PLRG1: variants seen among roughly 807,000 people sequenced by gnomAD.
PLRG1 encodes pleiotropic regulator 1 (PRL1 homolog, Arabidopsis).
PLRG1 carries 28 observed loss-of-function variants against 74.9 expected under a neutral mutation model. The ratio of observed to expected loss-of-function variants is 0.37; its 90% CI spans 0.28 to 0.51. The LOEUF (loss-of-function observed/expected upper bound fraction) is 0.51, where lower values mean the gene tolerates loss of function less well. Ranked by LOEUF, PLRG1 falls within the 20% of genes least tolerant of loss-of-function variation. PLRG1 has a pLI of 0.91. For missense variants in PLRG1, 445 were observed against 631.9 expected, an observed-to-expected ratio of 0.70 and a Z score of 3.17; for synonymous variants, 197 against 212.4, an observed-to-expected ratio of 0.93 and a Z score of 0.63.
At chr4:154,542,386 G>A (rs1729570630) in intron 7 of PLRG1, 107 bp from the exon 8 acceptor site, 1 of 675,196 alleles carries the variant, frequency 1.5e-6, no homozygotes, top group Non-Finnish European at 2.7e-6. Flanking sequence ...AATCATAAAA[G>A]ATAATGACTA....
At chr4:154,548,461 ATCT>A (rs530270818) in intron 2 of PLRG1, among the ~76,000 whole-genome samples, 180 of 152,308 alleles carry the variant, frequency 1.2e-3, no homozygotes, top group African/African-American at 4.0e-3. Context: ...CCACTCAAAA[ATCT>A]TCATCATACT....
chr4:154,539,175 C>T lies in PLRG1; in HGVS notation c.1081G>A (p.Ala361Thr). The change falls in exon 12 of 15, where the codon GCT (alanine) becomes ACT (threonine). Residue 361 changes from alanine to threonine, a missense_variant. By Grantham distance (58) the Ala-to-Thr change is moderately conservative. Around this residue, in one of 3 missense-constraint regions of PLRG1, gnomAD observed 221 missense variants for 377.7 expected, o/e 0.59. Transcript: ENST00000499023. Reference protein sequence around the residue: ...DTTIRLWDLVAGKTRVTLTNH... With the variant: ...DTTIRLWDLVTGKTRVTLTNH... ...GTTAATGTCACTCTTGTTTTTCCAG[C>T]CACCAGATCCCATAATCGAATTGTA... is the stretch of plus-strand genomic sequence containing the variant. The T allele has an allele frequency of 6.2e-7, 1 of 1,611,856 alleles. No individual in the cohort carries two copies. Among genetic ancestry groups the T allele is most frequent in the Non-Finnish European group, 8.5e-7 (1 of 1,178,068 alleles).
chr4:154,540,718 A>G (rs751367090), intron 9 of PLRG1, 23 bp from the exon 10 acceptor site: 1 of 1,609,630 alleles, frequency 6.2e-7, no homozygotes, highest in Non-Finnish European at 8.5e-7. Flanking sequence ...CAGGAAAGTT[A>G]AAACTTCTAG....
rs1326008324 is a variant in PLRG1 at position 154,548,815 on chromosome 4, A to AG, written c.116+13_116+14insC. The AG allele has an allele frequency of 2.1e-6, 3 of 1,454,524 alleles. No homozygotes were observed. The highest frequency in any genetic ancestry group is 1.8e-5 in the Admixed American group (1 of 56,790). The allele number at this position is 1,454,524 out of a possible 1,614,324, so 90.1% of individuals were successfully genotyped here. A position where few individuals can be genotyped will look rare whatever the true frequency, so the allele number is the denominator to read the frequency against. On this transcript the variant is annotated intron_variant, in intron 2 of 14. Transcript: ENST00000499023. ...TAAGTATTTTAGCAATTGAAAAAAA[A>AG]AAACTACACCAACCTCTCTTCATCT... is the stretch of plus-strand genomic sequence containing the variant.
Position 154,542,040 on chromosome 4 carries a change from T to C in PLRG1, c.687+147A>G. 10 of 606,406 alleles carry C rather than the reference T, an allele frequency of 1.6e-5. No individual in the cohort carries two copies. In the South Asian group the frequency reaches 2.2e-4, roughly 13 times the overall value. The allele number at this position is 606,406 out of a possible 1,614,324, so 37.6% of individuals were successfully genotyped here. A position where few individuals can be genotyped will look rare whatever the true frequency, so the allele number is the denominator to read the frequency against. On this transcript the variant is annotated intron_variant, in intron 8 of 14. Coordinates refer to ENST00000499023, the MANE Select transcript of PLRG1 (RefSeq NM_002669.4). ...AACAGATATTTATTTAGAACACTTATTAGTATAAATGATAAATTTTACTCC... is the reference window on the plus strand; with the variant it reads ...AACAGATATTTATTTAGAACACTTACTAGTATAAATGATAAATTTTACTCC...
chr4:154,539,110 T>G lies in PLRG1; in HGVS notation c.1146A>C (p.Pro382=). The G allele has an allele frequency of 6.4e-7, 1 of 1,555,076 alleles. No homozygotes were observed. The highest frequency in any genetic ancestry group is 8.9e-7 in the Non-Finnish European group (1 of 1,126,372). ...KKSVRAVVLH[P]RHYTFASGSP... ...AATTAGGAAAATACACTTACTGTCT[T>G]GGATGTAAAACCACAGCCCTAACTG... Residue 382 remains proline (P), a synonymous_variant, in exon 12 of 15, where the codon CCA becomes CCC. Coordinates refer to ENST00000499023, the MANE Select transcript of PLRG1 (RefSeq NM_002669.4).
At position 154,535,119 on chromosome 4, in the gene PLRG1, C is replaced by G. The variant is rs1488088773; in HGVS notation, c.*1566G>C. Reference sequence around the variant, plus strand: ...GTTCTTCCATAATTCTGCTTCCTAACAAAGCCACTGTTAGTAATGTGGTGT... The same window carrying G: ...GTTCTTCCATAATTCTGCTTCCTAAGAAAGCCACTGTTAGTAATGTGGTGT... On this transcript the variant is annotated 3_prime_UTR_variant, in exon 15 of 15. Transcript: ENST00000499023. 4 of 151,984 alleles carry G rather than the reference C, an allele frequency of 2.6e-5. No homozygotes were observed. The highest frequency in any genetic ancestry group is 7.2e-5 in the African/African-American group (3 of 41,422). The allele number at this position is 151,984 out of a possible 1,614,324, so 9.4% of individuals were successfully genotyped here. A position where few individuals can be genotyped will look rare whatever the true frequency, so the allele number is the denominator to read the frequency against.
intron 1 of PLRG1, chr4:154,549,286 A>G: frequency 2.8e-6 from 1 of 359,316 alleles, no homozygotes; most frequent in Non-Finnish European, 5.4e-6. Context: ...AATAAAAAGT[A>G]AAATAATTCC....
chr4:154,547,191 G>C, intron 3 of PLRG1, 127 bp from the exon 4 acceptor site: 1 of 744,166 alleles, frequency 1.3e-6, no homozygotes, highest in South Asian at 1.5e-5. Flanking sequence ...CTAAAGTCAA[G>C]CCTCAGAAAT....
At position 154,540,321 on chromosome 4, in the gene PLRG1, G is replaced by T. The variant is rs1482557148; in HGVS notation, c.940-268C>A. On this transcript the variant is annotated intron_variant, in intron 10 of 14. Coordinates refer to ENST00000499023, the MANE Select transcript of PLRG1 (RefSeq NM_002669.4). ...GGACTACTTTTTAAGACTACTGAAT[G>T]AAAGAACTAATGGACAATAGTTGTT... is the stretch of plus-strand genomic sequence containing the variant. 1.6e-5 allele frequency: 9 copies of T among 576,280 alleles called. No homozygotes were observed. The East Asian group carries it at 2.0e-4, about 13-fold the overall frequency. The allele number at this position is 576,280 out of a possible 1,614,324, so 35.7% of individuals were successfully genotyped here. A position where few individuals can be genotyped will look rare whatever the true frequency, so the allele number is the denominator to read the frequency against.
At chr4:154,542,306 G>A (rs1729568753) in intron 7 of PLRG1, 27 bp from the exon 8 acceptor site, 2 of 1,400,942 alleles carry the variant, frequency 1.4e-6, no homozygotes, top group South Asian at 1.2e-5. Flanking sequence ...AGAATGGGCA[G>A]GCCAACGTAG....
rs749164445 is a variant in PLRG1 at position 154,538,075 on chromosome 4, T to C, written c.1185A>G (p.Ile395Met). 2 of 1,518,612 alleles carry C rather than the reference T, an allele frequency of 1.3e-6. No homozygotes were observed. The highest frequency in any genetic ancestry group is 2.5e-5 in the South Asian group (2 of 79,138). 94.1% of individuals were successfully genotyped at this position (1,518,612 alleles called of 1,614,324 possible). A position where few individuals can be genotyped will look rare whatever the true frequency, so the allele number is the denominator to read the frequency against. Reference protein sequence around the residue: ...YTFASGSPDNIKQWKFPDGSF... With the variant: ...YTFASGSPDNMKQWKFPDGSF... ...TTCCATCAGGGAATTTCCACTGCTT[T>C]ATGTTATCTGGAGAACCAGATGCAA... Residue 395 changes from isoleucine to methionine, a missense_variant, in exon 13 of 15, where the codon ATA becomes ATG. Physicochemically the swap from Ile to Met is conservative, Grantham distance 10. This residue lies in a region of PLRG1 where 221 missense variants were observed against 377.7 expected (regional missense o/e 0.59). Coordinates refer to ENST00000499023, the MANE Select transcript of PLRG1 (RefSeq NM_002669.4).
chr4:154,545,013 T>C (rs1292304781), intron 6 of PLRG1, among the ~76,000 whole-genome samples: 2 of 152,230 alleles, frequency 1.3e-5, no homozygotes, highest in Non-Finnish European at 2.9e-5. Flanking sequence ...GTTCCTTCTA[T>C]TTATCTTCTA....
At chr4:154,548,588 T>C (rs1361306614) in intron 2 of PLRG1, among the ~76,000 whole-genome samples, 1 of 151,990 alleles carries the variant, frequency 6.6e-6, no homozygotes, top group African/African-American at 2.4e-5. Context: ...TAAAATAAAA[T>C]ACCTAAAAGG....
At chr4:154,547,997 T>TC in intron 2 of PLRG1, 144 bp from the exon 3 acceptor site, 1 of 590,518 alleles carries the variant, frequency 1.7e-6, no homozygotes, top group African/African-American at 1.9e-5. Context: ...CAAGGGCATT[T>TC]CCCCACCATA....
At chr4:154,549,450 G>A (rs1442792972) in intron 1 of PLRG1, among the ~76,000 whole-genome samples, 2 of 152,230 alleles carry the variant, frequency 1.3e-5, no homozygotes, top group Non-Finnish European at 2.9e-5. Flanking sequence ...CCAGGCTGAT[G>A]GAAATGTCAT....
chr4:154,538,238 G>C, intron 12 of PLRG1, 130 bp from the exon 13 acceptor site: 1 of 439,994 alleles, frequency 2.3e-6, no homozygotes, highest in Non-Finnish European at 4.1e-6. Context: ...CAAAATAGTC[G>C]TATCAAAATG....
At chr4:154,547,210 T>A (rs1729674346) in intron 3 of PLRG1, 146 bp from the exon 4 acceptor site, 1 of 697,686 alleles carries the variant, frequency 1.4e-6, no homozygotes, top group African/African-American at 1.8e-5. Flanking sequence ...ATAAGGGAAG[T>A]TGATCACTTT....
At chr4:154,538,908 G>A (rs193189580) in intron 12 of PLRG1, 197 bp downstream of exon 12, 7 of 504,510 alleles carry the variant, frequency 1.4e-5, no homozygotes, top group African/African-American at 5.7e-5. Context: ...CAAGTAGAAG[G>A]CTTTCCTCAT....
Sources: allele counts gnomAD v4.1 joint callset (sites outside exome capture counted in the v4.1 genomes callset), GRCh38; gene constraint gnomAD v4.1.1; regional missense constraint gnomAD v4.1.1; transcripts MANE v1.5; gene names NCBI Gene and HGNC (gene_info 2026-07-23, HGNC 2026-07-21).